Variants in ENPP6 observed in about 807,000 individuals in gnomAD.
ENPP6 encodes the protein ectonucleotide pyrophosphatase/phosphodiesterase 6.
A neutral mutation model predicts 42.0 loss-of-function variants in ENPP6; 32 were observed. That is an observed-to-expected ratio of 0.76 (90% CI 0.58 to 1.02). The LOEUF is 1.02. Ranked by LOEUF, ENPP6 falls within the 50% of genes least tolerant of loss-of-function variation. ENPP6 has a pLI of 0.00. For missense variants in ENPP6, 552 were observed against 566.8 expected, an observed-to-expected ratio of 0.97 and a Z score of 0.27; for synonymous variants, 213 against 216.0, an observed-to-expected ratio of 0.99 and a Z score of 0.12.
intron 1 of ENPP6, among the ~76,000 whole-genome samples, chr4:184,177,761 C>G (rs536699981): frequency 1.3e-5 from 2 of 152,164 alleles, no homozygotes; most frequent in African/African-American, 4.8e-5. Flanking sequence ...CCTAGCAAAC[C>G]TTAGCAACCC....
chr4:184,187,134 G>T (rs935023582), intron 1 of ENPP6, among the ~76,000 whole-genome samples: 2 of 152,340 alleles, frequency 1.3e-5, no homozygotes, highest in Non-Finnish European at 2.9e-5. Context: ...TGTGAGAGGA[G>T]ATGCGGAAGG....
chr4:184,199,320 G>A (rs535598882), intron 1 of ENPP6, among the ~76,000 whole-genome samples: 1 of 152,286 alleles, frequency 6.6e-6, no homozygotes, highest in African/African-American at 2.4e-5. Context: ...GGGCTGCCAG[G>A]CAGGGGTTGA....
chr4:184,127,486 T>A (rs967895443), intron 2 of ENPP6, among the ~76,000 whole-genome samples: 2 of 152,174 alleles, frequency 1.3e-5, no homozygotes, highest in Admixed American at 6.5e-5. Flanking sequence ...ATAAATGGAC[T>A]AAATATGTTA....
At chr4:184,127,540 C>T (rs1186026746) in intron 2 of ENPP6, among the ~76,000 whole-genome samples, 1 of 152,096 alleles carries the variant, frequency 6.6e-6, no homozygotes, top group Non-Finnish European at 1.5e-5. Flanking sequence ...AAAGCAAGAC[C>T]TGAGGTCAGG....
At chr4:184,151,504 C>A (rs958087242) in intron 2 of ENPP6, among the ~76,000 whole-genome samples, 9 of 152,130 alleles carry the variant, frequency 5.9e-5, no homozygotes, top group African/African-American at 2.2e-4. Context: ...GGAGGGGGCT[C>A]AAGGGTTGTT....
intron 2 of ENPP6, among the ~76,000 whole-genome samples, chr4:184,138,833 T>C (rs1252824214): frequency 6.6e-6 from 1 of 152,166 alleles, no homozygotes; most frequent in Non-Finnish European, 1.5e-5. Context: ...CATCTGACAA[T>C]GGCATAAGGG....
At position 184,184,271 on chromosome 4, in the gene ENPP6, C is replaced by T. The variant is rs1343384159; in HGVS notation, c.242-30538G>A. On this transcript the variant is annotated intron_variant, in intron 1 of 7. Transcript: ENST00000296741. This position sits in a 1 kb window ranked among gnomAD's most constrained non-coding sequence, Gnocchi z 4.7. ...GATTATATTTAGAATAAAAGACAAG[C>T]TTTATGACGTGTTTAAAGAAATAAA... 6.6e-6 allele frequency among the ~76,000 whole-genome samples: 1 copy of T among 152,064 alleles called. No homozygotes were observed. Among genetic ancestry groups the T allele is most frequent in the African/African-American group, 2.4e-5 (1 of 41,396 alleles).
chr4:184,131,191 T>G lies in ENPP6; in HGVS notation c.422-6919A>C, dbSNP rs1301147782. Among the ~76,000 whole-genome samples, 53 of 56,594 alleles carry G rather than the reference T, an allele frequency of 9.4e-4. 2 individuals carry two copies. Among genetic ancestry groups the G allele is most frequent in the African/African-American group, 3.7e-3 (48 of 12,902 alleles). 37.1% of individuals were successfully genotyped at this position (56,594 alleles called of 152,430 possible). A position where few individuals can be genotyped will look rare whatever the true frequency, so the allele number is the denominator to read the frequency against. ...TTTCTTTCTTTCTTTCTTTCTTTCT[T>G]TCTTTCTTTCTTCTTTCTTTCTTTC... On this transcript the variant is annotated intron_variant, in intron 2 of 7. Transcript: ENST00000296741.
chr4:184,211,299 G>A (rs987300968), intron 1 of ENPP6, among the ~76,000 whole-genome samples: 8 of 152,214 alleles, frequency 5.3e-5, no homozygotes, highest in Middle Eastern at 3.4e-3. Context: ...GAATCCAGGA[G>A]CTGGTTTTTT....
intron 6 of ENPP6, among the ~76,000 whole-genome samples, chr4:184,098,194 C>A (rs1349695444): frequency 1.3e-5 from 2 of 152,150 alleles, no homozygotes; most frequent in African/African-American, 4.8e-5. Flanking sequence ...TCATGTGACC[C>A]CTCGAATGTA....
chr4:184,124,543 T>A (rs1250801127), intron 2 of ENPP6, among the ~76,000 whole-genome samples: 1 of 152,156 alleles, frequency 6.6e-6, no homozygotes, highest in Non-Finnish European at 1.5e-5. Context: ...CTTTCCCAAT[T>A]TGAAACAAAA....
intron 1 of ENPP6, among the ~76,000 whole-genome samples, chr4:184,210,777 A>T (rs550695768): frequency 3.9e-5 from 6 of 152,128 alleles, no homozygotes; most frequent in Admixed American, 3.9e-4. Context: ...AAATCAACAG[A>T]ATATACATTT....
Position 184,124,161 on chromosome 4 carries a change from T to G in ENPP6, c.533A>C (p.Lys178Thr). 1.2e-6 allele frequency: 2 copies of G among 1,612,446 alleles called. No individual in the cohort carries two copies. Among genetic ancestry groups the G allele is most frequent in the Non-Finnish European group, 1.7e-6 (2 of 1,178,560 alleles). The part of the protein sequence containing the change: ...NAVSDALDSF[K>T]SGRADLAAIY... ...TGTGGCTAGAGTTTGGGACACTTAC[T>G]TGAAGGAGTCAAGAGCATCGCTGAC... The change falls in exon 3 of 8, where the codon AAG (lysine) becomes ACG (threonine). Residue 178 changes from lysine to threonine, a missense_variant and splice_region_variant. Physicochemically the swap from Lys to Thr is moderately conservative, Grantham distance 78. Coordinates refer to ENST00000296741, the MANE Select transcript of ENPP6 (RefSeq NM_153343.4).
chr4:184,173,556 G>C (rs1737511093), intron 1 of ENPP6, among the ~76,000 whole-genome samples: 1 of 152,174 alleles, frequency 6.6e-6, no homozygotes, highest in African/African-American at 2.4e-5. Context: ...ATTTTGCTCT[G>C]GGGTTTACTA....
intron 2 of ENPP6, among the ~76,000 whole-genome samples, chr4:184,146,283 T>A (rs1028037972): frequency 6.6e-5 from 10 of 151,904 alleles, no homozygotes; most frequent in African/African-American, 2.4e-4. Flanking sequence ...ATAGAAAAAT[T>A]AGCTGGGCAT....
At chr4:184,117,090 C>G in intron 4 of ENPP6, 55 bp from the exon 5 acceptor site, 4 of 1,591,644 alleles carry the variant, frequency 2.5e-6, no homozygotes, top group Non-Finnish European at 3.4e-6. Flanking sequence ...CTCGTGCACT[C>G]AGAAAACCTT....
chr4:184,214,371 G>C (rs1158736255), intron 1 of ENPP6, among the ~76,000 whole-genome samples: 1 of 152,164 alleles, frequency 6.6e-6, no homozygotes, highest in Non-Finnish European at 1.5e-5. Context: ...TAAATAATCA[G>C]CCATGGTGGC....
rs1733217089 is a variant in ENPP6 at position 184,217,561 on chromosome 4, A to G, written c.241+18T>C. On this transcript the variant is annotated intron_variant, in intron 1 of 7. Coordinates refer to ENST00000296741, the MANE Select transcript of ENPP6 (RefSeq NM_153343.4). ...GCCAGCCCTCCCCTCCCTGCCCAGA[A>G]GAGGACATGGTACTCACCAGTCATT... 2 of 1,613,214 alleles carry G rather than the reference A, an allele frequency of 1.2e-6. No homozygotes were observed. The highest frequency in any genetic ancestry group is 1.7e-6 in the Non-Finnish European group (2 of 1,179,224).
intron 3 of ENPP6, among the ~76,000 whole-genome samples, chr4:184,121,067 G>T (rs931935486): frequency 1.3e-5 from 2 of 152,176 alleles, no homozygotes; most frequent in African/African-American, 4.8e-5. Context: ...TCTTTTGTAA[G>T]GTGGGGAGAG....
Sources: gnomAD v4.1 joint callset for allele counts (sites outside exome capture counted in the v4.1 genomes callset) on GRCh38, gnomAD v4.1.1 for gene constraint, Gnocchi (gnomAD v3.1) non-coding constraint, MANE v1.5 for transcripts, NCBI Gene and HGNC (gene_info 2026-07-23, HGNC 2026-07-21) for gene names.